Variants in TPST2 observed in about 807,000 individuals in gnomAD.
The protein encoded by TPST2 is tyrosylprotein sulfotransferase 2.
Under a neutral mutation model 27.8 loss-of-function variants are expected in TPST2, and 16 were observed. The ratio of observed to expected loss-of-function variants is 0.58; its 90% CI spans 0.39 to 0.88. The LOEUF is 0.88. Among genes scored for constraint, TPST2 ranks in the 40% least tolerant of loss-of-function variants. TPST2 has a pLI of 0.00. For synonymous variants in TPST2, 229 were observed against 231.7 expected (o/e 0.99, Z 0.10); for missense variants, 464 against 543.1 (o/e 0.85, Z 1.45).
intron 1 of TPST2, chr22:26,550,696 C>CT: frequency 2.0e-6 from 2 of 980,186 alleles, no homozygotes; most frequent in Non-Finnish European, 2.4e-6. Flanking sequence ...ATTGCCATGG[C>CT]TATTCCCAAC....
chr22:26,584,826 T>C (rs540313093), intron 1 of TPST2, among the ~76,000 whole-genome samples: 1 of 152,290 alleles, frequency 6.6e-6, no homozygotes, highest in South Asian at 2.1e-4. Flanking sequence ...ATTAAATGAG[T>C]TAAACCACAT....
intron 2 of TPST2, among the ~76,000 whole-genome samples, 187 bp downstream of exon 2, chr22:26,544,417 C>T (rs1446394778): frequency 6.6e-6 from 1 of 152,206 alleles, no homozygotes; most frequent in Admixed American, 6.5e-5. Flanking sequence ...CTCTATGATG[C>T]TTGCTGGGAT....
In TPST2 at chr22:26,550,812, ACCT is replaced by A. The variant is rs372694704; in HGVS notation, c.-160-6140_-160-6138del. ...TGGGCAGGGTCCCTGGGAATCAGGG[ACCT>A]CTGACCTATTGCGGGGGGAAGCCAG... is the stretch of plus-strand genomic sequence containing the variant. On this transcript the variant is annotated intron_variant, in intron 1 of 6. Transcript: ENST00000338754. 1.9e-3 allele frequency among the ~76,000 whole-genome samples: 287 copies of A among 152,214 alleles called. 3 individuals are homozygous for A. The highest frequency in any genetic ancestry group is 6.8e-3 in the Middle Eastern group (2 of 294).
Position 26,580,100 on chromosome 22 carries a change from C to G in TPST2, c.-161+9953G>C, listed in dbSNP as rs555417512. 1.3e-3 allele frequency among the ~76,000 whole-genome samples: 192 copies of G among 151,690 alleles called. 1 individual carries two copies. The highest frequency in any genetic ancestry group is 2.2e-3 in the Admixed American group (34 of 15,232). On this transcript the variant is annotated intron_variant, in intron 1 of 6. Coordinates refer to ENST00000338754, the MANE Select transcript of TPST2 (RefSeq NM_003595.5). ...TTTCTACAAAAAATAAAAAATGAAC[C>G]AGGTGTGGTGGTCTGTACCTGTAGT...
chr22:26,552,852 G>C (rs954081348), intron 1 of TPST2, among the ~76,000 whole-genome samples: 1 of 152,004 alleles, frequency 6.6e-6, no homozygotes, highest in African/African-American at 2.4e-5. Context: ...CTGAGGTCAG[G>C]AGTTCGAGAC....
chr22:26,568,462 G>A (rs1211572810), intron 1 of TPST2, among the ~76,000 whole-genome samples: 1 of 152,142 alleles, frequency 6.6e-6, no homozygotes, highest in Non-Finnish European at 1.5e-5. Flanking sequence ...ACAAGATACA[G>A]GTCGTAAAGA....
In TPST2 at chr22:26,523,182, C is replaced by CA. The variant is rs1266728529; in HGVS notation, c.*3092_*3093insT. The CA allele has an allele frequency of 7.2e-6, 1 of 139,148 alleles. No homozygotes were observed. The highest frequency in any genetic ancestry group is 2.5e-5 in the African/African-American group (1 of 40,366). 8.6% of individuals were successfully genotyped at this position (139,148 alleles called of 1,614,324 possible). On this transcript the variant is annotated 3_prime_UTR_variant, in exon 7 of 7. Transcript: ENST00000338754. ...GCAGCCTGAGCAACCAAGCGGGACTCTGTCTCCAAAACAAACAAACAAACA... is the reference window on the plus strand; with the variant it reads ...GCAGCCTGAGCAACCAAGCGGGACTCATGTCTCCAAAACAAACAAACAAACA...
At chr22:26,565,706 G>A (rs1405792121) in intron 1 of TPST2, 1 of 152,088 alleles carries the variant, frequency 6.6e-6, no homozygotes, top group East Asian at 1.9e-4. Flanking sequence ...CAGTTTTCCA[G>A]TAGCTATGTT....
intron 1 of TPST2, among the ~76,000 whole-genome samples, chr22:26,579,623 G>C (rs1339965566): frequency 6.6e-6 from 1 of 152,234 alleles, no homozygotes; most frequent in East Asian, 1.9e-4. Context: ...GGATGGTTCT[G>C]TGGCAGGATG....
Position 26,588,199 on chromosome 22 carries a change from TA to T in TPST2, c.-161+1853del, listed in dbSNP as rs34033548. ...CAGCCATAAAAAGGAACGAAGTACT[TA>T]AAAAAAAAAAAAGGAATGAAGTACT... is the stretch of plus-strand genomic sequence containing the variant. On this transcript the variant is annotated intron_variant, in intron 1 of 6. Transcript: ENST00000338754. Among the ~76,000 whole-genome samples the T allele has an allele frequency of 2.9e-3, 417 of 145,236 alleles. 2 individuals are homozygous for T. The highest frequency in any genetic ancestry group is 8.4e-3 in the African/African-American group (331 of 39,524).
chr22:26,531,431 T>C (rs1925156393), intron 5 of TPST2, among the ~76,000 whole-genome samples: 1 of 152,046 alleles, frequency 6.6e-6, no homozygotes. Context: ...TTCCTGTAAA[T>C]CACATTGGGG....
At chr22:26,532,637 C>A in intron 5 of TPST2, 58 bp downstream of exon 5, 1 of 1,563,342 alleles carries the variant, frequency 6.4e-7, no homozygotes, top group Non-Finnish European at 8.8e-7. Context: ...GGGCATACAG[C>A]CAGATGGTGG....
At chr22:26,540,665 C>A in intron 3 of TPST2, 124 bp downstream of exon 3, 1 of 842,806 alleles carries the variant, frequency 1.2e-6, no homozygotes, top group Non-Finnish European at 1.8e-6. Flanking sequence ...GAAACGGAGG[C>A]TCAGAGAGAT....
Position 26,522,665 on chromosome 22 carries a change from C to T in TPST2, c.*3610G>A, listed in dbSNP as rs1045290159. The T allele has an allele frequency of 2.0e-5, 3 of 152,194 alleles. No homozygotes were observed. The highest frequency in any genetic ancestry group is 7.2e-5 in the African/African-American group (3 of 41,424). 9.4% of individuals were successfully genotyped at this position (152,194 alleles called of 1,614,324 possible). ...ACGTCCACTGCAGCTTTGCCAGTAG[C>T]GATGAAAACTGCTAACAGCCTAAGG... On this transcript the variant is annotated 3_prime_UTR_variant, in exon 7 of 7. Coordinates refer to ENST00000338754, the MANE Select transcript of TPST2 (RefSeq NM_003595.5).
At chr22:26,552,390 T>C (rs1453625292) in intron 1 of TPST2, among the ~76,000 whole-genome samples, 1 of 152,182 alleles carries the variant, frequency 6.6e-6, no homozygotes, top group East Asian at 1.9e-4. Context: ...TTAGCCACGT[T>C]TTACCGAAGG....
chr22:26,578,945 AG>A (rs1349473916), intron 1 of TPST2, among the ~76,000 whole-genome samples: 1 of 149,334 alleles, frequency 6.7e-6, no homozygotes, highest in African/African-American at 2.5e-5. Flanking sequence ...TTGACCTCCC[AG>A]GCTCAAGCAA....
chr22:26,581,481 G>A (rs1308944627), intron 1 of TPST2, among the ~76,000 whole-genome samples: 1 of 152,204 alleles, frequency 6.6e-6, no homozygotes, highest in East Asian at 1.9e-4. Context: ...TGGGACAGAA[G>A]GAAATCTAAA....
rs16982336 is a variant in TPST2 at position 26,559,816 on chromosome 22, C to T, written c.-160-15141G>A. On this transcript the variant is annotated intron_variant, in intron 1 of 6. Coordinates refer to ENST00000338754, the MANE Select transcript of TPST2 (RefSeq NM_003595.5). ...AAACCCTGGTTTCTGCAAACCCCCA[C>T]TTAACAGCATGGTTCTATTCACACC... Among the ~76,000 whole-genome samples, 177 of 152,318 alleles carry T rather than the reference C, an allele frequency of 1.2e-3. 2 individuals carry two copies. The highest frequency in any genetic ancestry group is 3.8e-3 in the African/African-American group (159 of 41,570).
intron 1 of TPST2, among the ~76,000 whole-genome samples, chr22:26,548,668 C>T (rs902921014): frequency 2.6e-5 from 4 of 151,944 alleles, no homozygotes; most frequent in Non-Finnish European, 4.4e-5. Context: ...ATTCCAAACT[C>T]GGAAAAAATT....
Sources: gnomAD v4.1 joint callset for allele counts (sites outside exome capture counted in the v4.1 genomes callset) on GRCh38, gnomAD v4.1.1 for gene constraint, MANE v1.5 for transcripts, NCBI Gene and HGNC (gene_info 2026-07-23, HGNC 2026-07-21) for gene names.